Variants in MAP3K7CL observed in about 807,000 individuals in gnomAD.
The protein encoded by MAP3K7CL is MAP3K7 C-terminal like, also known as MAP3K7 C-terminal-like protein.
In MAP3K7CL, 16 loss-of-function variants were observed where a neutral mutation model predicts 18.6. The ratio of observed to expected loss-of-function variants is 0.86; its 90% CI spans 0.58 to 1.31. The LOEUF is 1.31. Ranked by LOEUF, MAP3K7CL falls within the 50% of genes most tolerant of loss-of-function variation. MAP3K7CL has a pLI of 0.00. For synonymous variants in MAP3K7CL, 65 were observed against 66.8 expected (o/e 0.97, Z 0.13); for missense variants, 163 against 174.4 (o/e 0.93, Z 0.37).
At chr21:29,145,432 A>T (rs1392916972) in intron 2 of MAP3K7CL, 3 of 152,186 alleles carry the variant, frequency 2.0e-5, no homozygotes, top group Non-Finnish European at 4.4e-5. Flanking sequence ...ATTCAGCCAA[A>T]TGTTTTTGGA....
chr21:29,103,264 T>C (rs908971538), intron 4 of MAP3K7CL, among the ~76,000 whole-genome samples: 1 of 152,128 alleles, frequency 6.6e-6, no homozygotes, highest in Non-Finnish European at 1.5e-5. Context: ...CCCACAAAGC[T>C]GAAGATGTTT....
upstream of MAP3K7CL, chr21:29,085,160 ATCT>A (rs945897093): frequency 1.3e-5 from 2 of 152,202 alleles, no homozygotes; most frequent in Admixed American, 6.5e-5. Flanking sequence ...AAGTTTTATA[ATCT>A]TCTCACACAG....
At chr21:29,143,864 A>G (rs1311874346) in intron 2 of MAP3K7CL, among the ~76,000 whole-genome samples, 2 of 152,172 alleles carry the variant, frequency 1.3e-5, no homozygotes, top group African/African-American at 4.8e-5. Flanking sequence ...GGTTCTCAAA[A>G]CCTGGTCTGG....
In MAP3K7CL at chr21:29,116,769, T is replaced by C. The variant is rs2086511450; in HGVS notation, c.370+24188T>C. Among the ~76,000 whole-genome samples, 5 of 152,318 alleles carry C rather than the reference T, an allele frequency of 3.3e-5. 1 individual carries two copies. In the South Asian group the frequency reaches 1.0e-3, roughly 32 times the overall value. On this transcript the variant is annotated intron_variant, in intron 4 of 6. Coordinates refer to the MAP3K7CL transcript ENST00000286791. ...ATGCTAATTAGGCTCTTCAAAGAGT[T>C]CTTTAAAAATTTGAATATATAAATA...
chr21:29,111,130 C>T (rs1287184296), intron 4 of MAP3K7CL, among the ~76,000 whole-genome samples: 4 of 152,012 alleles, frequency 2.6e-5, no homozygotes, highest in Non-Finnish European at 5.9e-5. Flanking sequence ...GTGGTGAGTG[C>T]CTGTAGTCCC....
chr21:29,168,648 AC>A, intron 4 of MAP3K7CL, among the ~76,000 whole-genome samples: 1 of 152,132 alleles, frequency 6.6e-6, no homozygotes, highest in East Asian at 1.9e-4. Context: ...AAGTATTTCT[AC>A]ACCTAATTGT....
At chr21:29,120,043 A>T (rs1480003787) in intron 4 of MAP3K7CL, among the ~76,000 whole-genome samples, 2 of 152,180 alleles carry the variant, frequency 1.3e-5, no homozygotes, top group Non-Finnish European at 2.9e-5. Context: ...TAGAATATTG[A>T]ACATTAGTTC....
intron 4 of MAP3K7CL, among the ~76,000 whole-genome samples, chr21:29,173,798 C>T (rs920304122): frequency 1.3e-5 from 2 of 152,174 alleles, no homozygotes; most frequent in Non-Finnish European, 2.9e-5. Flanking sequence ...ACCTCCCACG[C>T]TCAAGTGATC....
At chr21:29,156,071 T>G (rs1209813707) in intron 3 of MAP3K7CL, among the ~76,000 whole-genome samples, 1 of 152,214 alleles carries the variant, frequency 6.6e-6, no homozygotes, top group African/African-American at 2.4e-5. Flanking sequence ...AATATTTCAT[T>G]CTTTAAGCAG....
intron 1 of MAP3K7CL, among the ~76,000 whole-genome samples, chr21:29,086,856 C>G (rs1197141516): frequency 6.6e-6 from 1 of 152,160 alleles, no homozygotes; most frequent in Non-Finnish European, 1.5e-5. Context: ...ATGATGACGT[C>G]CCCCTTTCCT....
intron 4 of MAP3K7CL, among the ~76,000 whole-genome samples, chr21:29,098,757 T>G (rs1046672026): frequency 4.6e-5 from 7 of 151,794 alleles, no homozygotes; most frequent in African/African-American, 7.3e-5. Context: ...AGCTTTCTAC[T>G]AGACTACCTC....
chr21:29,096,432 G>A (rs1443439186), intron 4 of MAP3K7CL, among the ~76,000 whole-genome samples: 1 of 152,144 alleles, frequency 6.6e-6, no homozygotes, highest in East Asian at 1.9e-4. Context: ...AGCACAAAGT[G>A]CACAAAGAGT....
chr21:29,094,844 C>T (rs1181978268), intron 4 of MAP3K7CL, among the ~76,000 whole-genome samples: 1 of 152,070 alleles, frequency 6.6e-6, no homozygotes, highest in Non-Finnish European at 1.5e-5. Context: ...ATTGCTTGAG[C>T]CCAGGAGTTC....
intron 1 of MAP3K7CL, among the ~76,000 whole-genome samples, chr21:29,089,513 C>A (rs1733995807): frequency 6.6e-6 from 1 of 152,106 alleles, no homozygotes; most frequent in Non-Finnish European, 1.5e-5. Flanking sequence ...ATATAAACTG[C>A]CTTTGGGAAG....
At chr21:29,135,698 G>A (rs2086870490) in intron 2 of MAP3K7CL, among the ~76,000 whole-genome samples, 1 of 152,258 alleles carries the variant, frequency 6.6e-6, no homozygotes, top group African/African-American at 2.4e-5. Flanking sequence ...GCTCACAGAT[G>A]TTTTTCATCC....
chr21:29,119,258 TAG>T (rs1438299330), intron 4 of MAP3K7CL, among the ~76,000 whole-genome samples: 1 of 152,258 alleles, frequency 6.6e-6, no homozygotes, highest in Non-Finnish European at 1.5e-5. Flanking sequence ...TACTTTACAG[TAG>T]AGTTTCAGCC....
chr21:29,151,244 G>A (rs2087266131), intron 3 of MAP3K7CL, among the ~76,000 whole-genome samples: 1 of 151,628 alleles, frequency 6.6e-6, no homozygotes, highest in Non-Finnish European at 1.5e-5. Context: ...GGGAGGCTGA[G>A]GCGGGTGGAT....
chr21:29,082,034 T>G (rs534023919), upstream of MAP3K7CL, among the ~76,000 whole-genome samples: 14 of 152,354 alleles, frequency 9.2e-5, no homozygotes, highest in African/African-American at 3.4e-4. Context: ...AAATGGTTAT[T>G]TCAAAATGAA....
At chr21:29,148,204 T>C (rs946339998) in intron 2 of MAP3K7CL, among the ~76,000 whole-genome samples, 1 of 152,074 alleles carries the variant, frequency 6.6e-6, no homozygotes, top group Non-Finnish European at 1.5e-5. Context: ...TATATACCTG[T>C]ACTGTATCTC....
Sources: gnomAD v4.1 joint callset for allele counts (sites outside exome capture counted in the v4.1 genomes callset) on GRCh38, gnomAD v4.1.1 for gene constraint, MANE v1.5 for transcripts, NCBI Gene and HGNC (gene_info 2026-07-23, HGNC 2026-07-21) for gene names.